The following NGFR variants were observed in gnomAD, a reference collection of about 807,000 sequenced individuals.
NGFR encodes tumor necrosis factor receptor superfamily member 16.
A neutral mutation model predicts 43.2 loss-of-function variants in NGFR; 30 were observed. The ratio of observed to expected loss-of-function variants is 0.69; its 90% CI spans 0.52 to 0.94. The LOEUF is 0.94. Among genes scored for constraint, NGFR ranks in the 40% least tolerant of loss-of-function variants. The pLI is 0.00. For synonymous variants in NGFR, 246 were observed against 259.6 expected, an observed-to-expected ratio of 0.95 and a Z score of 0.50; for missense variants, 529 against 602.5, an observed-to-expected ratio of 0.88 and a Z score of 1.28.
chr17:49,507,823 T>A (rs2071208981), intron 3 of NGFR, among the ~76,000 whole-genome samples: 1 of 152,202 alleles, frequency 6.6e-6, no homozygotes, highest in African/African-American at 2.4e-5. Context: ...CCCAGTCTAA[T>A]GAGAGAGACG....
chr17:49,509,973 T>C (rs2071221112), intron 3 of NGFR, among the ~76,000 whole-genome samples: 2 of 152,046 alleles, frequency 1.3e-5, no homozygotes, highest in Admixed American at 1.3e-4. Flanking sequence ...GAGAGACATT[T>C]CCCAGAGTGA....
At chr17:49,507,477 A>G (rs979422293) in intron 3 of NGFR, among the ~76,000 whole-genome samples, 2 of 152,174 alleles carry the variant, frequency 1.3e-5, no homozygotes, top group African/African-American at 4.8e-5. Context: ...AGCTCCAGGG[A>G]TGGATGGGAG....
At chr17:49,496,799 T>C (rs1239276042) in intron 1 of NGFR, 1 of 152,268 alleles carries the variant, frequency 6.6e-6, no homozygotes, top group Admixed American at 6.5e-5. Context: ...CCTCGGATTC[T>C]GTAGCGCGGT....
At chr17:49,511,409 C>T (rs1201937847) in intron 4 of NGFR, among the ~76,000 whole-genome samples, 1 of 152,194 alleles carries the variant, frequency 6.6e-6, no homozygotes, top group Non-Finnish European at 1.5e-5. Flanking sequence ...CTCAGTCTCC[C>T]TCAGGAGACC....
At chr17:49,508,032 G>A (rs1460950622) in intron 3 of NGFR, among the ~76,000 whole-genome samples, 1 of 152,248 alleles carries the variant, frequency 6.6e-6, no homozygotes, top group East Asian at 1.9e-4. Context: ...GCTCAGGATG[G>A]GGAGGGCTGT....
At position 49,512,157 on chromosome 17, in the gene NGFR, G is replaced by T. The variant is rs1309292694; in HGVS notation, c.982+105G>T. ...GACTGTCGGGGGGGCGGCAGGGCTG[G>T]CTCAGCGGTGCCCCTGTAGATGGAT... On this transcript the variant is annotated intron_variant, in intron 5 of 5. Coordinates refer to ENST00000172229, the MANE Select transcript of NGFR (RefSeq NM_002507.4). The surrounding 1 kb of genome is among the most constrained non-coding windows in gnomAD (Gnocchi z 5.2). 1.8e-5 allele frequency: 25 copies of T among 1,369,396 alleles called. No individual in the cohort carries two copies. Among genetic ancestry groups the T allele is most frequent in the Non-Finnish European group, 2.4e-5 (24 of 1,017,132 alleles). 84.8% of individuals were successfully genotyped at this position (1,369,396 alleles called of 1,614,324 possible). A position where few individuals can be genotyped will look rare whatever the true frequency, so the allele number is the denominator to read the frequency against.
At chr17:49,506,110 T>C in intron 2 of NGFR, 189 bp from the exon 3 acceptor site, 2 of 1,181,612 alleles carry the variant, frequency 1.7e-6, no homozygotes, top group South Asian at 2.1e-5. Flanking sequence ...CCTCCCCCTT[T>C]CCCAGTTGGC....
In NGFR at chr17:49,495,517, C is replaced by A; in HGVS notation, c.66+34C>A. 1 of 1,228,808 alleles carries A rather than the reference C, an allele frequency of 8.1e-7. No homozygotes were observed. Among genetic ancestry groups the A allele is most frequent in the South Asian group, 4.1e-5 (1 of 24,334 alleles). 76.1% of individuals were successfully genotyped at this position (1,228,808 alleles called of 1,614,324 possible). Reference sequence around the variant, plus strand: ...TAGCCGGAGGGGGCCCGCTCCCTTTCCCGGGATCAGAACTCCGAGAAGAGC... The same window carrying A: ...TAGCCGGAGGGGGCCCGCTCCCTTTACCGGGATCAGAACTCCGAGAAGAGC... On this transcript the variant is annotated intron_variant, in intron 1 of 5. Transcript: ENST00000172229. The surrounding 1 kb of genome is among the most constrained non-coding windows in gnomAD (Gnocchi z 6.4).
chr17:49,511,826 A>G (rs1168379742), intron 4 of NGFR, 66 bp from the exon 5 acceptor site: 6 of 1,464,486 alleles, frequency 4.1e-6, no homozygotes, highest in Non-Finnish European at 5.4e-6. Context: ...CAGAGCACAG[A>G]TACTCAGCTG....
At chr17:49,497,171 G>A (rs935491928) in intron 1 of NGFR, 2 of 152,296 alleles carry the variant, frequency 1.3e-5, no homozygotes, top group East Asian at 3.9e-4. Context: ...AGCAGGGCGG[G>A]GGGGGTTGAC....
intron 1 of NGFR, chr17:49,496,514 C>A: frequency 6.6e-6 from 1 of 152,636 alleles, no homozygotes; most frequent in Non-Finnish European, 1.5e-5. Context: ...CCGGGGCGCA[C>A]TAGGCGGGGA....
chr17:49,512,594 G>C lies in NGFR; in HGVS notation c.983-114G>C. The C allele has an allele frequency of 7.5e-7, 1 of 1,340,214 alleles. No homozygotes were observed. Among genetic ancestry groups the C allele is most frequent in the South Asian group, 1.4e-5 (1 of 69,258 alleles). 83.0% of individuals were successfully genotyped at this position (1,340,214 alleles called of 1,614,324 possible). ...ACCCAGGACCTTGTCTTGGCCCCAG[G>C]CCTCCAGATGGGGAGGAGCACTGCC... is the stretch of plus-strand genomic sequence containing the variant. On this transcript the variant is annotated intron_variant, in intron 5 of 5. Transcript: ENST00000172229. The surrounding 1 kb of genome is among the most constrained non-coding windows in gnomAD (Gnocchi z 5.2).
Position 49,510,504 on chromosome 17 carries a change from C to T in NGFR, c.661C>T (p.Gln221Ter), listed in dbSNP as rs1378978590. The T allele has an allele frequency of 1.2e-6, 2 of 1,614,012 alleles. No individual in the cohort carries two copies. The highest frequency in any genetic ancestry group is 2.7e-5 in the African/African-American group (2 of 74,900). ...STQEPEAPPE[Q>*]DLIASTVAGV... ...CCAGGAGCCTGAGGCACCTCCAGAACAAGACCTCATAGCCAGCACGGTGGC... is the reference window on the plus strand; with the variant it reads ...CCAGGAGCCTGAGGCACCTCCAGAATAAGACCTCATAGCCAGCACGGTGGC... The change falls in exon 4 of 6, where the codon CAA becomes TAA. Residue 221 changes from glutamine (Q) to a stop codon, truncating the protein, a stop_gained. Transcript: ENST00000172229. LOFTEE classifies it high-confidence loss of function.
At chr17:49,502,000 A>AGCG in intron 1 of NGFR, 63 bp from the exon 2 acceptor site, 2 of 264,884 alleles carry the variant, frequency 7.6e-6, no homozygotes, top group Non-Finnish European at 7.9e-6. Flanking sequence ...CCCCGGAAGA[A>AGCG]CCCCCCCCAA....
At position 49,512,072 on chromosome 17, in the gene NGFR, G is replaced by A; in HGVS notation, c.982+20G>A. Reference sequence around the variant, plus strand: ...GCCAGGGTGAGCAGCGGCCCGCTGGGGAGCTGAGGCGGAGCTGAGGCTGAG... The same window carrying A: ...GCCAGGGTGAGCAGCGGCCCGCTGGAGAGCTGAGGCGGAGCTGAGGCTGAG... On this transcript the variant is annotated intron_variant, in intron 5 of 5. Transcript: ENST00000172229. The surrounding 1 kb of genome is among the most constrained non-coding windows in gnomAD (Gnocchi z 5.2). 1.2e-6 allele frequency: 2 copies of A among 1,608,682 alleles called. No homozygotes were observed. The highest frequency in any genetic ancestry group is 1.3e-5 in the African/African-American group (1 of 74,928).
At chr17:49,504,599 G>A (rs1276705395) in intron 2 of NGFR, among the ~76,000 whole-genome samples, 1 of 152,074 alleles carries the variant, frequency 6.6e-6, no homozygotes, top group African/African-American at 2.4e-5. Context: ...AACACCCAAA[G>A]TCACACAGCT....
rs983553675 is a variant in NGFR at position 49,512,638 on chromosome 17, C to T, written c.983-70C>T. On this transcript the variant is annotated intron_variant, in intron 5 of 5. Transcript: ENST00000172229. This position sits in a 1 kb window ranked among gnomAD's most constrained non-coding sequence, Gnocchi z 5.2. ...CACTGCCTCGGCCCTTCTTGGGTCTCACCCCAGTGCCCACTGTTGGGGAAA... is the reference window on the plus strand; with the variant it reads ...CACTGCCTCGGCCCTTCTTGGGTCTTACCCCAGTGCCCACTGTTGGGGAAA... 3.1e-5 allele frequency: 46 copies of T among 1,502,454 alleles called. No individual in the cohort carries two copies. Among genetic ancestry groups the T allele is most frequent in the Non-Finnish European group, 3.9e-5 (44 of 1,119,966 alleles). The allele number at this position is 1,502,454 out of a possible 1,614,324, so 93.1% of individuals were successfully genotyped here.
At chr17:49,505,461 CCTT>C (rs2071191205) in intron 2 of NGFR, among the ~76,000 whole-genome samples, 1 of 152,224 alleles carries the variant, frequency 6.6e-6, no homozygotes, top group South Asian at 2.1e-4. Context: ...TGCCCAGCCT[CCTT>C]CTCCTTATTC....
intron 1 of NGFR, among the ~76,000 whole-genome samples, chr17:49,499,650 C>T (rs1026430408): frequency 6.6e-5 from 10 of 152,248 alleles, no homozygotes; most frequent in South Asian, 4.1e-4. Flanking sequence ...TGCAGTGGCA[C>T]GATCTCGACT....
Sources: gnomAD v4.1 joint callset for allele counts (sites outside exome capture counted in the v4.1 genomes callset) on GRCh38, gnomAD v4.1.1 for gene constraint, Gnocchi (gnomAD v3.1) non-coding constraint, MANE v1.5 for transcripts, NCBI Gene and HGNC (gene_info 2026-07-23, HGNC 2026-07-21) for gene names.